Variants in TMEM132C observed in about 807,000 individuals in gnomAD.
TMEM132C encodes the protein transmembrane protein 132C, also known as protein phosphatase 1, regulatory subunit 152.
Under a neutral mutation model 61.4 loss-of-function variants are expected in TMEM132C, and 29 were observed. The ratio of observed to expected loss-of-function variants is 0.47; its 90% CI spans 0.35 to 0.64. The LOEUF is 0.64. Among genes scored for constraint, TMEM132C ranks in the 30% least tolerant of loss-of-function variants. TMEM132C has a pLI of 0.00. For missense variants in TMEM132C, 1,408 were observed against 1,476.9 expected, an observed-to-expected ratio of 0.95 and a Z score of 0.76; for synonymous variants, 656 against 633.1, an observed-to-expected ratio of 1.04 and a Z score of -0.54.
intron 2 of TMEM132C, among the ~76,000 whole-genome samples, chr12:128,475,772 G>T (rs1321538452): frequency 6.6e-6 from 1 of 152,176 alleles, no homozygotes; most frequent in Non-Finnish European, 1.5e-5. Context: ...ACTGGCGTCA[G>T]GGTTCTGTGT....
At position 128,385,089 on chromosome 12, in the gene TMEM132C, C is replaced by T. The variant is rs369406824; in HGVS notation, c.86-29643C>T. On this transcript the variant is annotated intron_variant, in intron 1 of 8. Coordinates refer to ENST00000435159, the MANE Select transcript of TMEM132C (RefSeq NM_001136103.3). Reference sequence around the variant, plus strand: ...GATGGCAACAGCGTGATGAGAAGAGCTCGGCTTTGGAATTTACATGGGTCT... The same window carrying T: ...GATGGCAACAGCGTGATGAGAAGAGTTCGGCTTTGGAATTTACATGGGTCT... Among the ~76,000 whole-genome samples, 3 of 152,310 alleles carry T rather than the reference C, an allele frequency of 2.0e-5. No individual in the cohort carries two copies. In the East Asian group the frequency reaches 5.8e-4, roughly 29 times the overall value.
intron 2 of TMEM132C, among the ~76,000 whole-genome samples, chr12:128,531,226 C>T (rs536443086): frequency 6.6e-6 from 1 of 152,290 alleles, no homozygotes; most frequent in Admixed American, 6.5e-5. Flanking sequence ...AATCCTACTG[C>T]TCTCTGAGAT....
intron 3 of TMEM132C, among the ~76,000 whole-genome samples, chr12:128,549,289 C>T (rs986866262): frequency 6.6e-5 from 10 of 152,120 alleles, no homozygotes; most frequent in Non-Finnish European, 2.9e-5. Flanking sequence ...CCATTAACAT[C>T]CCCCAGGCCA....
intron 1 of TMEM132C, among the ~76,000 whole-genome samples, chr12:128,394,480 A>G (rs948802410): frequency 6.6e-6 from 1 of 152,220 alleles, no homozygotes; most frequent in Non-Finnish European, 1.5e-5. Context: ...CTAGGCACAA[A>G]AAGGGGGTTG....
chr12:128,432,031 CA>C (rs1403092882), intron 2 of TMEM132C, among the ~76,000 whole-genome samples: 2 of 152,190 alleles, frequency 1.3e-5, no homozygotes, highest in Admixed American at 1.3e-4. Context: ...AAGCCTGTAA[CA>C]GCACATTTGT....
chr12:128,568,484 G>A (rs778470557), intron 3 of TMEM132C, among the ~76,000 whole-genome samples: 4 of 152,120 alleles, frequency 2.6e-5, no homozygotes, highest in South Asian at 2.1e-4. Flanking sequence ...TGTACTTGCC[G>A]TGGACTGGGC....
intron 2 of TMEM132C, among the ~76,000 whole-genome samples, chr12:128,542,135 C>G (rs75697920): frequency 0.074 from 11,295 of 152,154 alleles, 1,401 homozygotes; most frequent in African/African-American, 0.25. Context: ...CTGGGGGGCT[C>G]TTTGGTAGAA....
At chr12:128,690,468 G>A (rs1566016286) in intron 5 of TMEM132C, among the ~76,000 whole-genome samples, 2 of 152,068 alleles carry the variant, frequency 1.3e-5, no homozygotes, top group African/African-American at 2.4e-5. Context: ...TATCATGCAC[G>A]GCTACTTCAT....
rs567424991 is a variant in TMEM132C, at chr12:128,706,445, C to T, written c.*150C>T. ...GGAAAGTTTTGAAGTCAGGAAAAGA[C>T]GTTTTTGTATCAAGGGATTTTTAGC... On this transcript the variant is annotated 3_prime_UTR_variant, in exon 9 of 9. Transcript: ENST00000435159. 3.0e-5 allele frequency: 31 copies of T among 1,048,138 alleles called. 1 individual carries two copies. In the South Asian group the frequency reaches 5.1e-4, roughly 17 times the overall value. The allele number at this position is 1,048,138 out of a possible 1,614,324, so 64.9% of individuals were successfully genotyped here.
At chr12:128,671,359 G>T (rs906082098) in intron 5 of TMEM132C, among the ~76,000 whole-genome samples, 1 of 152,134 alleles carries the variant, frequency 6.6e-6, no homozygotes, top group Non-Finnish European at 1.5e-5. Context: ...ACACCACAAT[G>T]CTTGCTTAAA....
At chr12:128,588,122 G>GGTCACAAGATGACTTTC (rs1875617502) in intron 3 of TMEM132C, among the ~76,000 whole-genome samples, 1 of 152,140 alleles carries the variant, frequency 6.6e-6, no homozygotes, top group Non-Finnish European at 1.5e-5. Flanking sequence ...AGAAGACATT[G>GGTCACAAGATGACTTTC]GTCACAAGAT....
intron 4 of TMEM132C, among the ~76,000 whole-genome samples, chr12:128,631,875 TAACGGTATTGTCATCCC>T (rs1231310991): frequency 6.6e-6 from 1 of 152,250 alleles, no homozygotes; most frequent in Non-Finnish European, 1.5e-5. Context: ...GGATTCCTCC[TAACGGTATTGTCATCCC>T]ATTTCTGAAG....
chr12:128,696,565 T>C (rs1184954922), intron 7 of TMEM132C, among the ~76,000 whole-genome samples: 1 of 152,242 alleles, frequency 6.6e-6, no homozygotes, highest in African/African-American at 2.4e-5. Flanking sequence ...CTCTTTGAAA[T>C]CCTGCTCCTT....
intron 2 of TMEM132C, among the ~76,000 whole-genome samples, chr12:128,440,666 GC>G (rs1869751377): frequency 6.6e-6 from 1 of 152,228 alleles, no homozygotes; most frequent in Non-Finnish European, 1.5e-5. Flanking sequence ...CTTGCTAGCA[GC>G]AAAGGAGTCT....
At chr12:128,340,853 C>CT (rs1220403504) in intron 1 of TMEM132C, among the ~76,000 whole-genome samples, 3 of 133,742 alleles carry the variant, frequency 2.2e-5, no homozygotes, top group African/African-American at 8.4e-5. Flanking sequence ...TTCTCTCTTT[C>CT]TTTCTTCCTT....
intron 2 of TMEM132C, among the ~76,000 whole-genome samples, chr12:128,467,689 G>C (rs939117138): frequency 2.6e-5 from 4 of 152,120 alleles, no homozygotes; most frequent in Non-Finnish European, 5.9e-5. Flanking sequence ...TGGAGCATGG[G>C]GGAGGGAGCA....
intron 1 of TMEM132C, among the ~76,000 whole-genome samples, chr12:128,360,534 TC>T (rs1873670910): frequency 6.6e-6 from 1 of 152,138 alleles, no homozygotes; most frequent in Admixed American, 6.5e-5. Flanking sequence ...CACCCCCAGT[TC>T]CTCAGGGAAC....
At chr12:128,424,397 A>G (rs933368041) in intron 2 of TMEM132C, among the ~76,000 whole-genome samples, 7 of 152,166 alleles carry the variant, frequency 4.6e-5, no homozygotes, top group African/African-American at 1.7e-4. Flanking sequence ...CATAAAAGGA[A>G]TAAACCACTG....
intron 4 of TMEM132C, among the ~76,000 whole-genome samples, chr12:128,631,378 T>G (rs888041776): frequency 2.6e-5 from 4 of 152,248 alleles, no homozygotes; most frequent in Admixed American, 6.5e-5. Flanking sequence ...GTTGACTCAC[T>G]AGAAATCAAG....
Sources: gnomAD v4.1 joint callset for allele counts (sites outside exome capture counted in the v4.1 genomes callset) on GRCh38, gnomAD v4.1.1 for gene constraint, MANE v1.5 for transcripts, NCBI Gene and HGNC (gene_info 2026-07-23, HGNC 2026-07-21) for gene names.